Variants in SP4 observed in about 807,000 individuals in gnomAD.
SP4 encodes the protein Sp4 transcription factor, also known as transcription factor Sp4.
Under a neutral mutation model 72.8 loss-of-function variants are expected in SP4, and 19 were observed. The ratio of observed to expected loss-of-function variants is 0.26; its 90% CI spans 0.18 to 0.38. SP4 has a LOEUF of 0.38. Ranked by LOEUF, SP4 falls within the 10% of genes least tolerant of loss-of-function variation. The pLI, the probability that SP4 is intolerant of heterozygous loss-of-function variation, is 1.00. For synonymous variants in SP4, 395 were observed against 333.1 expected, an observed-to-expected ratio of 1.19 and a Z score of -2.02; for missense variants, 1,008 against 926.3, an observed-to-expected ratio of 1.09 and a Z score of -1.14.
intron 3 of SP4, among the ~76,000 whole-genome samples, chr7:21,475,550 A>G (rs1224389411): frequency 6.6e-6 from 1 of 151,676 alleles, no homozygotes; most frequent in Non-Finnish European, 1.5e-5. Context: ...TCTGCCTCCC[A>G]GGTTCATGCC....
chr7:21,472,480 A>G (rs925548473), intron 3 of SP4, among the ~76,000 whole-genome samples: 27 of 151,922 alleles, frequency 1.8e-4, no homozygotes, highest in African/African-American at 6.3e-4. Flanking sequence ...TTTTTAAGAG[A>G]TGGCATCTCA....
chr7:21,471,903 A>G (rs143956980), intron 3 of SP4, among the ~76,000 whole-genome samples: 4 of 152,364 alleles, frequency 2.6e-5, no homozygotes, highest in African/African-American at 9.6e-5. Flanking sequence ...GAAAACATCC[A>G]GTAAAGTGCC....
At chr7:21,473,113 A>G (rs1562610483) in intron 3 of SP4, among the ~76,000 whole-genome samples, 2 of 152,206 alleles carry the variant, frequency 1.3e-5, no homozygotes, top group Non-Finnish European at 2.9e-5. Context: ...AGCAGTGTGA[A>G]GGATGAGAAA....
intron 3 of SP4, among the ~76,000 whole-genome samples, chr7:21,468,438 A>C (rs1475782424): frequency 1.3e-5 from 2 of 151,978 alleles, no homozygotes; most frequent in Non-Finnish European, 2.9e-5. Flanking sequence ...TCCTTTATTA[A>C]ATCTTCCTCA....
In SP4 at chr7:21,472,005, TTGAA is replaced by T. The variant is rs778487557; in HGVS notation, c.1679-5071_1679-5068del. The stretch of plus-strand genomic sequence containing the variant: ...CAAGAATGACTTCCAAATTTTCTAT[TTGAA>T]TGGTGAAAAAGAGCTATATTAGGAA... On this transcript the variant is annotated intron_variant, in intron 3 of 5. Transcript: ENST00000222584. Among the ~76,000 whole-genome samples, 65 of 152,252 alleles carry T rather than the reference TTGAA, an allele frequency of 4.3e-4. 1 individual carries two copies. In the South Asian group the frequency reaches 5.2e-3, roughly 12 times the overall value.
intron 5 of SP4, among the ~76,000 whole-genome samples, chr7:21,497,001 T>A (rs895592814): frequency 1.2e-4 from 19 of 152,272 alleles, no homozygotes; most frequent in African/African-American, 4.3e-4. Context: ...TTTAAAGCTC[T>A]TCTGAATCTC....
rs1174175830 is a variant in SP4 at position 21,430,752 on chromosome 7, A to T, written c.1587A>T (p.Ser529=). ...PITLNTAQLA[S]VPNLQTVSVA... ...CTTTGAATACTGCCCAGCTTGCATCAGTGCCTAACCTTCAGACAGTGAGCG... is the reference window on the plus strand; with the variant it reads ...CTTTGAATACTGCCCAGCTTGCATCTGTGCCTAACCTTCAGACAGTGAGCG... The change falls in exon 3 of 6, where the codon TCA becomes TCT. Residue 529 remains serine (S), a synonymous_variant. Transcript: ENST00000222584. 1.6e-5 allele frequency: 26 copies of T among 1,614,228 alleles called. No homozygotes were observed. Among genetic ancestry groups the T allele is most frequent in the Non-Finnish European group, 2.2e-5 (26 of 1,180,040 alleles).
At position 21,514,622 on chromosome 7, in the gene SP4, C is replaced by T. The variant is rs1782224245; in HGVS notation, c.*3353C>T. On this transcript the variant is annotated 3_prime_UTR_variant, in exon 6 of 6. Coordinates refer to ENST00000222584, the MANE Select transcript of SP4 (RefSeq NM_003112.5). Reference sequence around the variant, plus strand: ...TAGACAATTATTCTGCCAGCAAAGCCTCTGGGGCTGTAATTGACATTTTTA... The same window carrying T: ...TAGACAATTATTCTGCCAGCAAAGCTTCTGGGGCTGTAATTGACATTTTTA... 6.6e-6 allele frequency: 1 copy of T among 151,616 alleles called. No individual in the cohort carries two copies. Among genetic ancestry groups the T allele is most frequent in the South Asian group, 2.1e-4 (1 of 4,808 alleles). The allele number at this position is 151,616 out of a possible 1,614,324, so 9.4% of individuals were successfully genotyped here. A position where few individuals can be genotyped will look rare whatever the true frequency, so the allele number is the denominator to read the frequency against.
At chr7:21,434,824 T>A (rs894677592) in intron 3 of SP4, among the ~76,000 whole-genome samples, 3 of 152,076 alleles carry the variant, frequency 2.0e-5, no homozygotes, top group Non-Finnish European at 4.4e-5. Context: ...ATCATTTTTT[T>A]TTTTTTTTTA....
At chr7:21,481,094 C>G (rs1210009383) in intron 4 of SP4, among the ~76,000 whole-genome samples, 1 of 152,142 alleles carries the variant, frequency 6.6e-6, no homozygotes, top group Non-Finnish European at 1.5e-5. Flanking sequence ...ATGAATGGGC[C>G]AGGTCAAGGG....
At position 21,436,931 on chromosome 7, in the gene SP4, A is replaced by G. The variant is rs550710215; in HGVS notation, c.1678+6088A>G. Among the ~76,000 whole-genome samples, 4 of 152,288 alleles carry G rather than the reference A, an allele frequency of 2.6e-5. No individual in the cohort carries two copies. The East Asian group carries it at 7.7e-4, about 29-fold the overall frequency. On this transcript the variant is annotated intron_variant, in intron 3 of 5. Coordinates refer to ENST00000222584, the MANE Select transcript of SP4 (RefSeq NM_003112.5). ...AGGTTAAATGACCCTCTTATATTTG[A>G]TGGCAAAGTGAGGGCTAGAATCTTG... is the stretch of plus-strand genomic sequence containing the variant.
In SP4 at chr7:21,430,057, A is replaced by C. The variant is rs766176410; in HGVS notation, c.892A>C (p.Asn298His). 3.7e-5 allele frequency: 59 copies of C among 1,614,008 alleles called. No individual in the cohort carries two copies. In the Admixed American group the frequency reaches 9.5e-4, roughly 26 times the overall value. The change falls in exon 3 of 6, where the codon AAT becomes CAT. Residue 298 changes from asparagine to histidine, a missense_variant. Asn to His is a moderately conservative substitution (Grantham distance 68). Around this residue, in one of 3 missense-constraint regions of SP4, gnomAD observed 893 missense variants for 743.3 expected, o/e 1.20. Coordinates refer to ENST00000222584, the MANE Select transcript of SP4 (RefSeq NM_003112.5). Reference sequence around the variant, plus strand: ...TGCTGATAGTGGGACTTCCAATGGGAATCAATTAGTTTCCACACCCACCAA... The same window carrying C: ...TGCTGATAGTGGGACTTCCAATGGGCATCAATTAGTTTCCACACCCACCAA... ...ATADSGTSNG[N>H]QLVSTPTNTT...
At chr7:21,481,718 A>C (rs1364295672) in intron 4 of SP4, among the ~76,000 whole-genome samples, 2 of 152,232 alleles carry the variant, frequency 1.3e-5, no homozygotes, top group Admixed American at 6.5e-5. Context: ...CTTTGAGATT[A>C]ACACATTTTC....
chr7:21,429,037 A>C (rs1047110282), intron 2 of SP4: 3 of 571,818 alleles, frequency 5.2e-6, no homozygotes, highest in African/African-American at 3.8e-5. Context: ...GGGCATTTTG[A>C]GTTTAGGAAC....
At chr7:21,445,660 A>G (rs2390535) in intron 3 of SP4, among the ~76,000 whole-genome samples, 39,269 of 152,012 alleles carry the variant, frequency 0.26, 6,425 homozygotes, top group Non-Finnish European at 0.36. Context: ...ATCAAGGCTT[A>G]GAAAGTTTAA....
At position 21,512,101 on chromosome 7, in the gene SP4, T is replaced by G. The variant is rs1782162226; in HGVS notation, c.*832T>G. 6.6e-6 allele frequency: 1 copy of G among 152,640 alleles called. No homozygotes were observed. The highest frequency in any genetic ancestry group is 1.5e-5 in the Non-Finnish European group (1 of 68,018). The allele number at this position is 152,640 out of a possible 1,614,324, so 9.5% of individuals were successfully genotyped here. ...GATTGATTATATTCCTAACCCTAGG[T>G]TGAACCACAAAATTTCATTTAAAAT... is the stretch of plus-strand genomic sequence containing the variant. On this transcript the variant is annotated 3_prime_UTR_variant, in exon 6 of 6. Coordinates refer to ENST00000222584, the MANE Select transcript of SP4 (RefSeq NM_003112.5).
At chr7:21,500,581 T>A (rs541691286) in intron 5 of SP4, among the ~76,000 whole-genome samples, 7 of 152,260 alleles carry the variant, frequency 4.6e-5, no homozygotes, top group Non-Finnish European at 1.0e-4. Flanking sequence ...TCAGTTCCTT[T>A]CTGTTGTAGA....
chr7:21,429,222 T>G (rs1231074791), intron 2 of SP4, 67 bp from the exon 3 acceptor site: 6 of 832,428 alleles, frequency 7.2e-6, no homozygotes, highest in Non-Finnish European at 1.1e-5. Flanking sequence ...TGGCAACTAC[T>G]GGCCTCCACT....
intron 3 of SP4, among the ~76,000 whole-genome samples, chr7:21,457,584 C>T (rs947458260): frequency 1.3e-5 from 2 of 152,156 alleles, no homozygotes; most frequent in Non-Finnish European, 2.9e-5. Flanking sequence ...TTTTCAGAAT[C>T]ATCTAGAGTA....
Sources: allele counts gnomAD v4.1 joint callset (sites outside exome capture counted in the v4.1 genomes callset), GRCh38; gene constraint gnomAD v4.1.1; regional missense constraint gnomAD v4.1.1; transcripts MANE v1.5; gene names NCBI Gene and HGNC (gene_info 2026-07-23, HGNC 2026-07-21).